Variants in SMCO2 observed in about 807,000 individuals in gnomAD.
The protein encoded by SMCO2 is single-pass membrane protein with coiled-coil domains 2.
Under a neutral mutation model 29.5 loss-of-function variants are expected in SMCO2, and 25 were observed. The ratio of observed to expected loss-of-function variants is 0.85; its 90% CI spans 0.62 to 1.18. The LOEUF (loss-of-function observed/expected upper bound fraction) is 1.18. Among genes scored for constraint, SMCO2 ranks in the 50% most tolerant of loss-of-function variants. The probability of loss-of-function intolerance (pLI) is 0.00; values close to 1 mark genes in which losing one functional copy is unlikely to be tolerated. For missense variants in SMCO2, 348 were observed against 344.5 expected (o/e 1.01, Z -0.08); for synonymous variants, 117 against 123.3 (o/e 0.95, Z 0.34).
At chr12:27,484,008 ATAT>A (rs1478072418) in intron 4 of SMCO2, among the ~76,000 whole-genome samples, 1 of 152,128 alleles carries the variant, frequency 6.6e-6, no homozygotes. Context: ...ATTTACACAC[ATAT>A]TTACTATTAC....
chr12:27,485,385 A>G (rs1353634412), intron 4 of SMCO2, among the ~76,000 whole-genome samples: 2 of 151,814 alleles, frequency 1.3e-5, no homozygotes, highest in African/African-American at 4.8e-5. Context: ...CAACTTTTAA[A>G]ATAACCTTAT....
chr12:27,440,353 C>T, the SMCO2 span, among the ~76,000 whole-genome samples: 35 of 151,564 alleles, frequency 2.3e-4, no homozygotes, highest in Non-Finnish European at 4.3e-4. Context: ...GAAAAGCTAA[C>T]GGTAGTTCTT....
intron 2 of SMCO2, among the ~76,000 whole-genome samples, chr12:27,472,042 T>C (rs1949545072): frequency 6.6e-6 from 1 of 152,206 alleles, no homozygotes; most frequent in Non-Finnish European, 1.5e-5. Context: ...TCTACCTATC[T>C]GTTAATAAAA....
At chr12:27,464,299 A>G (rs1472578818), upstream of SMCO2, among the ~76,000 whole-genome samples, 1 of 152,190 alleles carries the variant, frequency 6.6e-6, no homozygotes, top group African/African-American at 2.4e-5. Flanking sequence ...AGTAAGGCAG[A>G]GGCGAGGTCA....
At chr12:27,425,073 T>G in the SMCO2 span, 1 of 152,206 alleles carries the variant, frequency 6.6e-6, no homozygotes, top group African/African-American at 2.4e-5. Flanking sequence ...CTTTCTGAAC[T>G]CACTTGAGAG....
chr12:27,497,745 A>AT (rs2135580691), intron 7 of SMCO2: 1 of 170,946 alleles, frequency 5.8e-6, no homozygotes, highest in Admixed American at 6.5e-5. Context: ...AAAAAAAAAA[A>AT]AAAAATCAGA....
chr12:27,461,630 T>C, the SMCO2 span, among the ~76,000 whole-genome samples: 1 of 152,266 alleles, frequency 6.6e-6, no homozygotes, highest in Non-Finnish European at 1.5e-5. Flanking sequence ...CTTATATAAA[T>C]GTGTCTTCCA....
intron 4 of SMCO2, among the ~76,000 whole-genome samples, chr12:27,476,435 A>G (rs1949586892): frequency 6.6e-6 from 1 of 152,118 alleles, no homozygotes; most frequent in Admixed American, 6.5e-5. Flanking sequence ...CCTAGATGAT[A>G]TGTCCAATGC....
chr12:27,488,880 TATTGGTCA>T (rs1028741479), intron 5 of SMCO2, among the ~76,000 whole-genome samples: 19 of 152,238 alleles, frequency 1.2e-4, no homozygotes, highest in African/African-American at 4.3e-4. Context: ...AGGAAATAAA[TATTGGTCA>T]AAAACTGCAT....
intron 4 of SMCO2, among the ~76,000 whole-genome samples, chr12:27,483,732 T>A (rs1949664667): frequency 6.6e-6 from 1 of 152,130 alleles, no homozygotes; most frequent in Admixed American, 6.5e-5. Context: ...TCCTTTTTCA[T>A]TGTTTTTTAA....
chr12:27,464,861 A>C (rs978081135), upstream of SMCO2, among the ~76,000 whole-genome samples: 6 of 150,618 alleles, frequency 4.0e-5, no homozygotes, highest in African/African-American at 1.2e-4. Context: ...CTCTACTAAA[A>C]ACACACACAC....
chr12:27,474,028 G>T (rs1015500381), intron 3 of SMCO2, among the ~76,000 whole-genome samples: 8 of 152,124 alleles, frequency 5.3e-5, no homozygotes, highest in Non-Finnish European at 1.2e-4. Flanking sequence ...AACTCTTTTT[G>T]ATATGAAACA....
intron 7 of SMCO2, chr12:27,498,158 A>T: frequency 2.8e-6 from 1 of 358,612 alleles, no homozygotes; most frequent in Non-Finnish European, 5.5e-6. Context: ...GTTGAGTGAC[A>T]ACATCTTCTC....
intron 7 of SMCO2, among the ~76,000 whole-genome samples, chr12:27,496,390 A>G (rs12423935): frequency 6.6e-6 from 1 of 150,462 alleles, no homozygotes; most frequent in Non-Finnish European, 1.5e-5. Context: ...ATATCTATAG[A>G]TGTATCTATA....
chr12:27,456,841 G>A, the SMCO2 span, among the ~76,000 whole-genome samples: 164 of 152,228 alleles, frequency 1.1e-3, no homozygotes, highest in African/African-American at 3.8e-3. Flanking sequence ...GACCTGGGCC[G>A]CACAGCAGGA....
At chr12:27,465,752 T>C (rs920337288), upstream of SMCO2, among the ~76,000 whole-genome samples, 1 of 152,212 alleles carries the variant, frequency 6.6e-6, no homozygotes, top group Non-Finnish European at 1.5e-5. Context: ...AAACCAATTT[T>C]TCAGACAAAG....
intron 4 of SMCO2, among the ~76,000 whole-genome samples, chr12:27,487,377 A>T (rs1373625766): frequency 6.6e-6 from 1 of 152,092 alleles, no homozygotes; most frequent in Admixed American, 6.6e-5. Context: ...TTTGAGGTTT[A>T]TCCAAATTTT....
At chr12:27,450,065 G>A in the SMCO2 span, among the ~76,000 whole-genome samples, 2 of 152,158 alleles carry the variant, frequency 1.3e-5, no homozygotes, top group East Asian at 1.9e-4. Flanking sequence ...AATGCTGTGC[G>A]GAATGGATTC....
the SMCO2 span, among the ~76,000 whole-genome samples, chr12:27,440,051 G>A: frequency 1.3e-5 from 2 of 152,078 alleles, no homozygotes; most frequent in African/African-American, 4.8e-5. Flanking sequence ...GCATTTAATG[G>A]TCAAATTCCC....
Sources: gnomAD v4.1 joint callset for allele counts (sites outside exome capture counted in the v4.1 genomes callset) on GRCh38, gnomAD v4.1.1 for gene constraint, MANE v1.5 for transcripts, NCBI Gene and HGNC (gene_info 2026-07-23, HGNC 2026-07-21) for gene names.